URGCP: variants seen among roughly 807,000 people sequenced by gnomAD.
URGCP encodes the protein up-regulator of cell proliferation.
A neutral mutation model predicts 24.6 loss-of-function variants in URGCP; 13 were observed. The ratio of observed to expected loss-of-function variants is 0.53; its 90% CI spans 0.34 to 0.84. The LOEUF (loss-of-function observed/expected upper bound fraction) is 0.84. URGCP is among the 40% of genes least tolerant of loss of function. The pLI, the probability that URGCP is intolerant of heterozygous loss-of-function variation, is 0.01. For synonymous variants in URGCP, 444 were observed against 487.2 expected (o/e 0.91, Z 1.17); for missense variants, 899 against 1,194.3 (o/e 0.75, Z 3.64).
intron 3 of URGCP, 66 bp from the exon 4 acceptor site, chr7:43,882,023 T>C (rs1374399961): frequency 1.9e-6 from 3 of 1,609,098 alleles, no homozygotes; most frequent in Admixed American, 3.4e-5. Flanking sequence ...CTGTCAAAAA[T>C]TTCAAGTGCT....
chr7:43,889,836 C>T (rs914746153), intron 1 of URGCP, among the ~76,000 whole-genome samples: 2 of 152,122 alleles, frequency 1.3e-5, no homozygotes, highest in African/African-American at 2.4e-5. Context: ...TCACTATTAA[C>T]TTATAATCAT....
chr7:43,900,179 C>T (rs1044341091), intron 1 of URGCP, among the ~76,000 whole-genome samples: 2 of 150,856 alleles, frequency 1.3e-5, no homozygotes, highest in African/African-American at 4.9e-5. Context: ...GTCAGCCGGG[C>T]GCGGTGGCTC....
chr7:43,919,260 C>T (rs2095919258), intron 1 of URGCP: 2 of 819,146 alleles, frequency 2.4e-6, no homozygotes, highest in Non-Finnish European at 4.4e-6. Flanking sequence ...TTATAATTCA[C>T]TCCTCACACT....
chr7:43,923,583 C>A (rs1208405004), intron 1 of URGCP, among the ~76,000 whole-genome samples: 3 of 151,958 alleles, frequency 2.0e-5, no homozygotes, highest in Non-Finnish European at 2.9e-5. Flanking sequence ...CCACCACACC[C>A]AGCCTGATTT....
chr7:43,896,243 G>T (rs2095878176), intron 1 of URGCP, among the ~76,000 whole-genome samples: 1 of 152,112 alleles, frequency 6.6e-6, no homozygotes, highest in Admixed American at 6.5e-5. Context: ...GGCTCACGTG[G>T]TCAGGAGCTT....
At chr7:43,890,346 C>T (rs754859160) in intron 1 of URGCP, among the ~76,000 whole-genome samples, 10 of 151,378 alleles carry the variant, frequency 6.6e-5, no homozygotes, top group Non-Finnish European at 1.5e-4. Flanking sequence ...TCCCGAGTAG[C>T]TGGGACTACA....
chr7:43,898,517 C>A (rs1456038507), intron 1 of URGCP, among the ~76,000 whole-genome samples: 1 of 152,096 alleles, frequency 6.6e-6, no homozygotes, highest in East Asian at 1.9e-4. Flanking sequence ...CTTTGGGAGG[C>A]CAAGGTGAGA....
At chr7:43,891,389 A>G (rs2095870413) in intron 1 of URGCP, among the ~76,000 whole-genome samples, 1 of 152,198 alleles carries the variant, frequency 6.6e-6, no homozygotes, top group South Asian at 2.1e-4. Flanking sequence ...CTAATTAGGG[A>G]AAAGGAGTCA....
intron 1 of URGCP, chr7:43,919,550 C>T (rs1230188732): frequency 5.7e-6 from 8 of 1,396,656 alleles, no homozygotes; most frequent in South Asian, 2.3e-5. Context: ...CAGTGGCCAG[C>T]GTGAGGAAGA....
rs751531869 is a variant in URGCP at position 43,881,474 on chromosome 7, G to GTT, written c.202+183_202+184dup. 8.1e-3 allele frequency among the ~76,000 whole-genome samples: 1,032 copies of GTT among 127,284 alleles called. 19 individuals carry two copies. The highest frequency in any genetic ancestry group is 0.027 in the African/African-American group (925 of 33,700). The allele number at this position is 127,284 out of a possible 152,430, so 83.5% of individuals were successfully genotyped here. A position where few individuals can be genotyped will look rare whatever the true frequency, so the allele number is the denominator to read the frequency against. ...CTATGTGGTTAGCAAGCTTCCCAGG[G>GTT]TTTTTTTTTTTTTTTTTTTTTAGCA... On this transcript the variant is annotated intron_variant, in intron 5 of 5. Transcript: ENST00000453200.
In URGCP at chr7:43,881,475, TTTTTTTTTTTTTTTTTTTTTA is replaced by T. The variant is rs558414704; in HGVS notation, c.202+163_202+183del. ...TATGTGGTTAGCAAGCTTCCCAGGG[TTTTTTTTTTTTTTTTTTTTTA>T]GCAATATGGTTAACAATGTATAAAG... On this transcript the variant is annotated intron_variant, in intron 5 of 5. Transcript: ENST00000453200. Among the ~76,000 whole-genome samples, 184 of 104,128 alleles carry T rather than the reference TTTTTTTTTTTTTTTTTTTTTA, an allele frequency of 1.8e-3. 1 individual carries two copies. The highest frequency in any genetic ancestry group is 8.9e-3 in the African/African-American group (177 of 19,826). 68.3% of individuals were successfully genotyped at this position (104,128 alleles called of 152,430 possible). A position where few individuals can be genotyped will look rare whatever the true frequency, so the allele number is the denominator to read the frequency against.
intron 1 of URGCP, among the ~76,000 whole-genome samples, chr7:43,902,012 T>C (rs2095891623): frequency 6.7e-6 from 1 of 149,798 alleles, no homozygotes; most frequent in Admixed American, 6.7e-5. Flanking sequence ...AAAGGAACAG[T>C]GGGCTGGGGA....
chr7:43,910,218 T>G (rs1190448618), upstream of URGCP, among the ~76,000 whole-genome samples: 1 of 151,906 alleles, frequency 6.6e-6, no homozygotes, highest in Admixed American at 6.6e-5. Context: ...ATTTATTTGT[T>G]TATTCATTTA....
upstream of URGCP, among the ~76,000 whole-genome samples, chr7:43,909,005 T>G (rs2095907211): frequency 6.6e-6 from 1 of 152,214 alleles, no homozygotes; most frequent in Non-Finnish European, 1.5e-5. Flanking sequence ...GACATAAATA[T>G]TGCTACCAGT....
At chr7:43,922,978 TCTTA>T (rs1252496428) in intron 1 of URGCP, among the ~76,000 whole-genome samples, 3 of 151,668 alleles carry the variant, frequency 2.0e-5, no homozygotes, top group Non-Finnish European at 4.4e-5. Context: ...TCTCTCTCTC[TCTTA>T]CTTTCTTTCT....
rs1003821333 is a variant in URGCP at position 43,919,699 on chromosome 7, A to G, written c.-116+6433T>C. 5.8e-6 allele frequency: 8 copies of G among 1,374,288 alleles called. No homozygotes were observed. In the African/African-American group the frequency reaches 1.1e-4, roughly 20 times the overall value. The allele number at this position is 1,374,288 out of a possible 1,614,324, so 85.1% of individuals were successfully genotyped here. A position where few individuals can be genotyped will look rare whatever the true frequency, so the allele number is the denominator to read the frequency against. ...GGAGAGGTGGACCCCACCCAGGTCCACAAGAGCCTGCAGAGGATCCGGGAA... is the reference window on the plus strand; with the variant it reads ...GGAGAGGTGGACCCCACCCAGGTCCGCAAGAGCCTGCAGAGGATCCGGGAA... On this transcript the variant is annotated intron_variant, in intron 1 of 5. Transcript: ENST00000426198.
chr7:43,883,013 CG>C (rs1381488695), intron 3 of URGCP, among the ~76,000 whole-genome samples: 1 of 151,814 alleles, frequency 6.6e-6, no homozygotes, highest in Non-Finnish European at 1.5e-5. Context: ...AGGTGAGGTG[CG>C]GGGGGAGAGA....
At chr7:43,926,550 C>T (rs370622554), upstream of URGCP, 115 of 1,569,912 alleles carry the variant, frequency 7.3e-5, no homozygotes, top group Middle Eastern at 6.7e-4. Flanking sequence ...TAAAGCGGAT[C>T]CAGAAGGTAC....
At position 43,876,678 on chromosome 7, in the gene URGCP, T is replaced by C. The variant is rs756064560; in HGVS notation, c.2785A>G (p.Arg929Gly). The change falls in exon 6 of 6, where the codon AGA (arginine) becomes GGA (glycine). Residue 929 changes from arginine to glycine, a missense_variant. Coordinates refer to ENST00000453200, the MANE Select transcript of URGCP (RefSeq NM_001077663.3). ...GTTTCTCTGCACACTCACAGCCGTC[T>C]CACCAGCTCAATGAGCTGCTGGATG... ...KNIQQLIELV[R>G]RL The C allele has an allele frequency of 1.2e-6, 2 of 1,613,902 alleles. No individual in the cohort carries two copies. The highest frequency in any genetic ancestry group is 1.7e-5 in the Admixed American group (1 of 60,000).
Sources: allele counts gnomAD v4.1 joint callset (sites outside exome capture counted in the v4.1 genomes callset), GRCh38; gene constraint gnomAD v4.1.1; transcripts MANE v1.5; gene names NCBI Gene and HGNC (gene_info 2026-07-23, HGNC 2026-07-21).